Variants in ARK2C observed in about 807,000 individuals in gnomAD.
ARK2C encodes arkadia (RNF111) C-terminal like ring finger ubiquitin ligase 2C, also known as E3 ubiquitin-protein ligase ARK2C.
chr18:46,352,987 A>G, the ARK2C span, among the ~76,000 whole-genome samples: 1 of 152,202 alleles, frequency 6.6e-6, no homozygotes, highest in Non-Finnish European at 1.5e-5. Context: ...TGGGACTAGC[A>G]TGCCCTCCAT....
the ARK2C span, among the ~76,000 whole-genome samples, chr18:46,373,213 G>A: frequency 1.3e-5 from 2 of 152,266 alleles, no homozygotes; most frequent in African/African-American, 2.4e-5. Context: ...TGGGCCTCCA[G>A]GGCATTAAGC....
chr18:46,351,806 G>A, the ARK2C span, among the ~76,000 whole-genome samples: 57 of 152,272 alleles, frequency 3.7e-4, no homozygotes, highest in African/African-American at 1.0e-3. Flanking sequence ...GTGTCCCACC[G>A]TGGCGGCAGG....
chr18:46,459,274 C>T, the ARK2C span: 1 of 152,252 alleles, frequency 6.6e-6, no homozygotes, highest in Non-Finnish European at 1.5e-5. Context: ...CTAGAAACTT[C>T]CCTTTGTCTC....
the ARK2C span, chr18:46,335,741 C>G: frequency 8.9e-6 from 2 of 225,380 alleles, no homozygotes; most frequent in Non-Finnish European, 1.5e-5. Flanking sequence ...TTTTATCCAG[C>G]CCAGCTGTCC....
chr18:46,438,859 C>T, the ARK2C span, among the ~76,000 whole-genome samples: 1 of 152,194 alleles, frequency 6.6e-6, no homozygotes, highest in Non-Finnish European at 1.5e-5. Context: ...AGAGTTTTCA[C>T]CTGCATTTTC....
chr18:46,409,042 C>T, the ARK2C span, among the ~76,000 whole-genome samples: 3 of 152,128 alleles, frequency 2.0e-5, no homozygotes, highest in Non-Finnish European at 4.4e-5. Context: ...GAGATAATAA[C>T]GGTAGCTACA....
the ARK2C span, among the ~76,000 whole-genome samples, chr18:46,403,352 G>A: frequency 6.6e-6 from 1 of 152,196 alleles, no homozygotes; most frequent in African/African-American, 2.4e-5. Context: ...TGTGCTCCTA[G>A]AGAAAGCTCT....
the ARK2C span, among the ~76,000 whole-genome samples, chr18:46,414,300 G>A: frequency 6.6e-6 from 1 of 152,240 alleles, no homozygotes. Context: ...TGCTGTGTTG[G>A]TAAACAGCAG....
chr18:46,370,236 T>TA, the ARK2C span, among the ~76,000 whole-genome samples: 1 of 152,238 alleles, frequency 6.6e-6, no homozygotes, highest in African/African-American at 2.4e-5. Context: ...ATGATATCCT[T>TA]ACGATCATCT....
the ARK2C span, among the ~76,000 whole-genome samples, chr18:46,343,078 G>A: frequency 1.3e-5 from 2 of 152,066 alleles, no homozygotes; most frequent in Admixed American, 6.5e-5. Flanking sequence ...TGCTGGCTTC[G>A]CATGCACTCA....
chr18:46,382,996 T>A, the ARK2C span, among the ~76,000 whole-genome samples: 1 of 152,216 alleles, frequency 6.6e-6, no homozygotes, highest in African/African-American at 2.4e-5. Flanking sequence ...CCCCACCCCC[T>A]GGGTCTGGAA....
At chr18:46,455,401 G>C in the ARK2C span, among the ~76,000 whole-genome samples, 2 of 152,126 alleles carry the variant, frequency 1.3e-5, no homozygotes, top group Admixed American at 6.5e-5. Context: ...CTTTGCAAAG[G>C]ATCGATTCAT....
the ARK2C span, among the ~76,000 whole-genome samples, chr18:46,455,460 G>C: frequency 6.6e-6 from 1 of 152,148 alleles, no homozygotes; most frequent in African/African-American, 2.4e-5. Flanking sequence ...AAGTGCCTGG[G>C]ACAGCAAAAA....
chr18:46,435,630 G>A, the ARK2C span, among the ~76,000 whole-genome samples: 1 of 152,314 alleles, frequency 6.6e-6, no homozygotes, highest in East Asian at 1.9e-4. Context: ...CCCATCGTAG[G>A]ACACAGTGTT....
At chr18:46,391,566 G>A in the ARK2C span, among the ~76,000 whole-genome samples, 1 of 152,038 alleles carries the variant, frequency 6.6e-6, no homozygotes, top group Non-Finnish European at 1.5e-5. Context: ...TATGGGGCAG[G>A]CCCTGCTCGA....
the ARK2C span, among the ~76,000 whole-genome samples, chr18:46,365,240 G>T: frequency 1.8e-4 from 27 of 152,136 alleles, no homozygotes; most frequent in Non-Finnish European, 2.5e-4. Flanking sequence ...AGACCTTGAG[G>T]CTCCCATGTG....
chr18:46,362,251 G>A, the ARK2C span, among the ~76,000 whole-genome samples: 1 of 152,232 alleles, frequency 6.6e-6, no homozygotes, highest in Non-Finnish European at 1.5e-5. Flanking sequence ...TTCTTGGGGA[G>A]GCAGGGTTTT....
At chr18:46,394,707 A>C in the ARK2C span, among the ~76,000 whole-genome samples, 2 of 152,314 alleles carry the variant, frequency 1.3e-5, no homozygotes, top group Middle Eastern at 3.4e-3. Flanking sequence ...TCCTCCAAAC[A>C]AGCAGGAAAC....
chr18:46,385,550 C>T, the ARK2C span, among the ~76,000 whole-genome samples: 1 of 152,168 alleles, frequency 6.6e-6, no homozygotes, highest in Non-Finnish European at 1.5e-5. Flanking sequence ...AGATTCTGCT[C>T]CTGTCTGCTG....
Sources: allele counts gnomAD v4.1 joint callset (sites outside exome capture counted in the v4.1 genomes callset), GRCh38; gene constraint gnomAD v4.1.1; transcripts MANE v1.5; gene names NCBI Gene and HGNC (gene_info 2026-07-23, HGNC 2026-07-21).